The following NELL2 variants were observed in gnomAD, a reference collection of about 807,000 sequenced individuals.
NELL2 encodes the protein neural EGFL like 2.
NELL2 carries 41 observed loss-of-function variants against 109.6 expected under a neutral mutation model. The observed-to-expected ratio is 0.37, with a 90% CI of 0.29 to 0.49. NELL2 has a LOEUF of 0.49. Ranked by LOEUF, NELL2 falls within the 20% of genes least tolerant of loss-of-function variation. The probability of loss-of-function intolerance (pLI) is 0.98; values close to 1 mark genes in which losing one functional copy is unlikely to be tolerated. For missense variants in NELL2, 900 were observed against 1,008.3 expected (o/e 0.89, Z 1.45); for synonymous variants, 355 against 344.7 (o/e 1.03, Z -0.33).
At chr12:44,660,410 G>C (rs972063504) in intron 13 of NELL2, among the ~76,000 whole-genome samples, 7 of 152,138 alleles carry the variant, frequency 4.6e-5, no homozygotes, top group African/African-American at 1.7e-4. Flanking sequence ...CATTGATGGG[G>C]TCCCAAGGAA....
upstream of NELL2, among the ~76,000 whole-genome samples, chr12:44,877,646 G>A (rs1945362372): frequency 6.6e-6 from 1 of 152,050 alleles, no homozygotes. Flanking sequence ...TTATCATATA[G>A]TGGAATACAT....
intron 1 of NELL2, among the ~76,000 whole-genome samples, chr12:44,920,491 C>T (rs939446840): frequency 2.6e-5 from 4 of 152,014 alleles, no homozygotes; most frequent in Non-Finnish European, 4.4e-5. Flanking sequence ...ACAAAGGTTT[C>T]CTAATGTAGT....
chr12:44,894,102 G>A (rs1489971520), intron 1 of NELL2, among the ~76,000 whole-genome samples: 1 of 152,116 alleles, frequency 6.6e-6, no homozygotes. Context: ...AGATTAAAAT[G>A]GAGAATTGTT....
At chr12:44,636,787 G>C (rs1268678887) in intron 13 of NELL2, among the ~76,000 whole-genome samples, 1 of 152,100 alleles carries the variant, frequency 6.6e-6, no homozygotes, top group Non-Finnish European at 1.5e-5. Flanking sequence ...TCAGGATGAT[G>C]CTGGCCTCAT....
chr12:44,641,839 G>C (rs1043027153), intron 13 of NELL2, among the ~76,000 whole-genome samples: 4 of 151,894 alleles, frequency 2.6e-5, no homozygotes, highest in Non-Finnish European at 1.5e-5. Context: ...TGGGACTACA[G>C]GCACATGCTG....
chr12:44,726,546 C>T (rs1939092108), intron 9 of NELL2, among the ~76,000 whole-genome samples: 1 of 152,110 alleles, frequency 6.6e-6, no homozygotes, highest in Admixed American at 6.6e-5. Flanking sequence ...TCATTCTAAA[C>T]CTTAAAATAC....
At chr12:44,841,155 G>T (rs12816104) in intron 2 of NELL2, among the ~76,000 whole-genome samples, 11,351 of 152,218 alleles carry the variant, frequency 0.075, 551 homozygotes, top group Admixed American at 0.12. Flanking sequence ...ACAATAGATA[G>T]AAAAGAACAG....
At chr12:44,842,015 AG>A (rs949102707) in intron 2 of NELL2, among the ~76,000 whole-genome samples, 1 of 150,534 alleles carries the variant, frequency 6.6e-6, no homozygotes, top group Non-Finnish European at 1.5e-5. Flanking sequence ...TAGAATGCAA[AG>A]GGCTTACAAT....
chr12:44,763,228 T>C (rs755918919), intron 9 of NELL2, among the ~76,000 whole-genome samples: 3 of 152,168 alleles, frequency 2.0e-5, no homozygotes, highest in Non-Finnish European at 4.4e-5. Flanking sequence ...GAAATAAAAG[T>C]GACCTTTCTG....
rs748508369 is a variant in NELL2, at chr12:44,520,225, C to G, written c.2180G>C (p.Gly727Ala). 2 of 1,608,824 alleles carry G rather than the reference C, an allele frequency of 1.2e-6. No homozygotes were observed. The highest frequency in any genetic ancestry group is 3.4e-4 in the Middle Eastern group (2 of 5,932). Residue 727 changes from glycine to alanine, a missense_variant, in exon 19 of 20, where the codon GGG becomes GCG. Gly to Ala is a moderately conservative substitution (Grantham distance 60). Transcript: ENST00000429094. ...QNCQQCRCLQ[G>A]EVDCWPLPCP... The stretch of plus-strand genomic sequence containing the variant: ...AGGCAGGGGCCAACAATCAACTTCC[C>G]CTTGCTACAAGGAAAGCAGATGTGC...
chr12:44,865,359 C>T (rs544684986), intron 2 of NELL2, among the ~76,000 whole-genome samples: 1 of 144,404 alleles, frequency 6.9e-6, no homozygotes, highest in Non-Finnish European at 1.5e-5. Flanking sequence ...AAGACACATG[C>T]ACACGTATGT....
chr12:44,719,042 A>C (rs1938632715), intron 9 of NELL2, among the ~76,000 whole-genome samples: 1 of 152,158 alleles, frequency 6.6e-6, no homozygotes, highest in Non-Finnish European at 1.5e-5. Flanking sequence ...AAACATTACA[A>C]ACTGGATAGT....
intron 9 of NELL2, among the ~76,000 whole-genome samples, chr12:44,724,259 C>G (rs1394099467): frequency 6.6e-6 from 1 of 150,588 alleles, no homozygotes; most frequent in African/African-American, 2.4e-5. Flanking sequence ...AGAAAGGGAG[C>G]AGGGTGTGGG....
chr12:44,828,680 T>G (rs1463355663), intron 2 of NELL2, among the ~76,000 whole-genome samples: 1 of 152,058 alleles, frequency 6.6e-6, no homozygotes, highest in African/African-American at 2.4e-5. Flanking sequence ...TCATTTGAAG[T>G]GCATGTTGGA....
chr12:44,705,119 T>C lies in NELL2; in HGVS notation c.1190-1265A>G, dbSNP rs192275962. ...AAGACTTTTACTTGCGAAAATCATA[T>C]AGATGGAAGTACTATATTGGTTCAT... On this transcript the variant is annotated intron_variant, in intron 11 of 19. Coordinates refer to ENST00000429094, the MANE Select transcript of NELL2 (RefSeq NM_001145108.2). Among the ~76,000 whole-genome samples the C allele has an allele frequency of 1.8e-3, 269 of 151,992 alleles. 2 individuals carry two copies. The highest frequency in any genetic ancestry group is 6.1e-3 in the African/African-American group (255 of 41,482).
chr12:44,909,697 G>A (rs532450591), intron 1 of NELL2, among the ~76,000 whole-genome samples: 1 of 150,926 alleles, frequency 6.6e-6, no homozygotes, highest in Admixed American at 6.6e-5. Flanking sequence ...ATACTATAAG[G>A]CTACAGTACT....
intron 15 of NELL2, among the ~76,000 whole-genome samples, chr12:44,606,790 A>T (rs7134952): frequency 8.6e-5 from 13 of 151,900 alleles, no homozygotes; most frequent in African/African-American, 2.9e-4. Flanking sequence ...TGCAGGTGAT[A>T]GTGTGTTCTC....
At chr12:44,673,052 G>T (rs1312137887) in intron 12 of NELL2, among the ~76,000 whole-genome samples, 1 of 152,212 alleles carries the variant, frequency 6.6e-6, no homozygotes, top group African/African-American at 2.4e-5. Flanking sequence ...ATTACTTGGA[G>T]TAGTGTTGTG....
At chr12:44,756,686 C>T (rs996137029) in intron 9 of NELL2, among the ~76,000 whole-genome samples, 7 of 152,266 alleles carry the variant, frequency 4.6e-5, no homozygotes, top group Middle Eastern at 3.4e-3. Flanking sequence ...AAATACTCTT[C>T]CTTTAGCTTC....
Sources: allele counts gnomAD v4.1 joint callset (sites outside exome capture counted in the v4.1 genomes callset), GRCh38; gene constraint gnomAD v4.1.1; transcripts MANE v1.5; gene names NCBI Gene and HGNC (gene_info 2026-07-23, HGNC 2026-07-21).